The following TRUB1 variants were observed in gnomAD, a reference collection of about 807,000 sequenced individuals.
TRUB1 encodes the protein TruB pseudouridine synthase family member 1, also known as pseudouridylate synthase TRUB1.
A neutral mutation model predicts 33.9 loss-of-function variants in TRUB1; 23 were observed. The ratio of observed to expected loss-of-function variants is 0.68; its 90% CI spans 0.49 to 0.96. TRUB1 has a LOEUF of 0.96. TRUB1 is among the 40% of genes least tolerant of loss of function. TRUB1 has a pLI of 0.00. For synonymous variants in TRUB1, 163 were observed against 165.4 expected (o/e 0.99, Z 0.11); for missense variants, 378 against 422.2 (o/e 0.90, Z 0.92).
chr10:114,940,372 C>T (rs1243612695), intron 1 of TRUB1, among the ~76,000 whole-genome samples: 3 of 152,196 alleles, frequency 2.0e-5, no homozygotes, highest in Admixed American at 1.3e-4. Context: ...CTGCCCGCCT[C>T]AGCCTCCCAA....
intron 3 of TRUB1, among the ~76,000 whole-genome samples, chr10:114,958,515 G>A (rs1385904460): frequency 1.3e-5 from 2 of 152,114 alleles, no homozygotes; most frequent in African/African-American, 4.8e-5. Flanking sequence ...CCCTTCACTA[G>A]CCTCATAAAT....
intron 3 of TRUB1, among the ~76,000 whole-genome samples, chr10:114,955,421 G>A (rs2084257749): frequency 6.6e-6 from 1 of 152,220 alleles, no homozygotes; most frequent in South Asian, 2.1e-4. Flanking sequence ...TTAGAAACCA[G>A]ATGGAAAGGT....
In TRUB1 at chr10:114,938,343, A is replaced by C. The variant is rs766416469; in HGVS notation, c.90A>C (p.Ala30=). Residue 30 remains alanine (A), a synonymous_variant, in exon 1 of 8, where the codon GCA becomes GCC. Coordinates refer to ENST00000298746, the MANE Select transcript of TRUB1 (RefSeq NM_139169.5). ...TTGAAACTGCAGGAACGGTCGCAGC[A>C]ATGGCTGCGACCCCGTCAGCAAGGG... The part of the protein sequence containing the change: ...PVLETAGTVA[A]MAATPSARAA... 8 of 1,607,448 alleles carry C rather than the reference A, an allele frequency of 5.0e-6. No individual in the cohort carries two copies. Among genetic ancestry groups the C allele is most frequent in the Non-Finnish European group, 6.8e-6 (8 of 1,177,444 alleles).
intron 1 of TRUB1, among the ~76,000 whole-genome samples, chr10:114,941,792 TA>T (rs199534418): frequency 2.1e-4 from 32 of 151,460 alleles, no homozygotes; most frequent in Non-Finnish European, 2.5e-4. Context: ...TTTATTTATT[TA>T]TTTTTTTTTG....
chr10:114,949,549 G>A (rs2084225153), intron 2 of TRUB1, among the ~76,000 whole-genome samples: 1 of 152,182 alleles, frequency 6.6e-6, no homozygotes, highest in Non-Finnish European at 1.5e-5. Flanking sequence ...ACTTTAATAA[G>A]GAGTTGGTGC....
Position 114,972,169 on chromosome 10 carries a change from T to C in TRUB1, c.631T>C (p.Ser211Pro). 3 of 1,613,660 alleles carry C rather than the reference T, an allele frequency of 1.9e-6. No homozygotes were observed. The highest frequency in any genetic ancestry group is 1.7e-6 in the Non-Finnish European group (2 of 1,179,796). Residue 211 changes from serine to proline, a missense_variant, in exon 6 of 8, where the codon TCG becomes CCG. Physicochemically the swap from Ser to Pro is moderately conservative, Grantham distance 74. Transcript: ENST00000298746. The stretch of plus-strand genomic sequence containing the variant: ...ATTAAAGAAAGATGGACAAAGACTT[T>C]CGACTTTGATGAAGAGAGGTGAAGT... ...SALKKDGQRLSTLMKRGEVVE... is the reference protein window; with the variant it reads ...SALKKDGQRLPTLMKRGEVVE...
In TRUB1 at chr10:114,975,486, T is replaced by C; in HGVS notation, c.*107T>C. On this transcript the variant is annotated 3_prime_UTR_variant, in exon 8 of 8. Coordinates refer to ENST00000298746, the MANE Select transcript of TRUB1 (RefSeq NM_139169.5). Reference sequence around the variant, plus strand: ...GACAAACAATATGTCTTTTTTTTTTTTGCATGAAGAAAAATGTCTATCATT... The same window carrying C: ...GACAAACAATATGTCTTTTTTTTTTCTGCATGAAGAAAAATGTCTATCATT... 9.0e-7 allele frequency: 1 copy of C among 1,114,520 alleles called. No homozygotes were observed. The highest frequency in any genetic ancestry group is 1.2e-6 in the Non-Finnish European group (1 of 809,434). 69.0% of individuals were successfully genotyped at this position (1,114,520 alleles called of 1,614,324 possible).
At chr10:114,942,829 G>A (rs945795089) in intron 2 of TRUB1, 86 bp downstream of exon 2, 2 of 861,988 alleles carry the variant, frequency 2.3e-6, no homozygotes, top group African/African-American at 1.7e-5. Context: ...ATTGACTAAA[G>A]CCTTCTATTT....
chr10:114,972,598 T>A (rs894414118), intron 6 of TRUB1, among the ~76,000 whole-genome samples: 1 of 152,170 alleles, frequency 6.6e-6, no homozygotes, highest in African/African-American at 2.4e-5. Flanking sequence ...TTTTTAAATT[T>A]TAGGTTTTTA....
chr10:114,939,249 G>A (rs1399251346), intron 1 of TRUB1, among the ~76,000 whole-genome samples: 2 of 152,126 alleles, frequency 1.3e-5, no homozygotes, highest in South Asian at 2.1e-4. Flanking sequence ...GAATCACCCC[G>A]TTAATCAGCT....
chr10:114,939,118 G>A (rs1192312291), intron 1 of TRUB1, among the ~76,000 whole-genome samples: 3 of 152,222 alleles, frequency 2.0e-5, no homozygotes, highest in African/African-American at 7.2e-5. Flanking sequence ...TGATTCCAGT[G>A]TAAGTAGTTT....
At chr10:114,962,837 T>C (rs2143022591) in intron 4 of TRUB1, among the ~76,000 whole-genome samples, 1 of 152,288 alleles carries the variant, frequency 6.6e-6, no homozygotes, top group South Asian at 2.1e-4. Context: ...GAATGACATA[T>C]ATGACATATA....
At chr10:114,943,932 T>C (rs1484720291) in intron 2 of TRUB1, among the ~76,000 whole-genome samples, 1 of 152,110 alleles carries the variant, frequency 6.6e-6, no homozygotes, top group Admixed American at 6.5e-5. Context: ...ACCGTTTTAT[T>C]GCTTGTGAAG....
chr10:114,954,032 A>T (rs1488354785), intron 3 of TRUB1, among the ~76,000 whole-genome samples: 2 of 151,390 alleles, frequency 1.3e-5, no homozygotes, highest in African/African-American at 4.8e-5. Flanking sequence ...CCTATGTATG[A>T]TGTATTCTTG....
rs1236085325 is a variant in TRUB1, at chr10:114,977,173, G to A, written c.*1794G>A. Reference sequence around the variant, plus strand: ...CTTTTATGTTTAAAACTGAAGTTTTGCCAAATGGGAAAATTACTGTTACCT... The same window carrying A: ...CTTTTATGTTTAAAACTGAAGTTTTACCAAATGGGAAAATTACTGTTACCT... On this transcript the variant is annotated 3_prime_UTR_variant, in exon 8 of 8. Coordinates refer to ENST00000298746, the MANE Select transcript of TRUB1 (RefSeq NM_139169.5). The A allele has an allele frequency of 2.0e-5, 3 of 151,974 alleles. No individual in the cohort carries two copies. Among genetic ancestry groups the A allele is most frequent in the Non-Finnish European group, 4.4e-5 (3 of 67,966 alleles). 9.4% of individuals were successfully genotyped at this position (151,974 alleles called of 1,614,324 possible). A position where few individuals can be genotyped will look rare whatever the true frequency, so the allele number is the denominator to read the frequency against.
chr10:114,967,545 A>G (rs78745648), intron 4 of TRUB1, among the ~76,000 whole-genome samples: 2,240 of 152,276 alleles, frequency 0.015, 67 homozygotes, highest in African/African-American at 0.052. Flanking sequence ...GTATATATTC[A>G]TTTTATGAAA....
chr10:114,950,406 A>ACTGTG (rs2084229156), intron 2 of TRUB1, among the ~76,000 whole-genome samples: 4 of 152,210 alleles, frequency 2.6e-5, no homozygotes, highest in Non-Finnish European at 4.4e-5. Context: ...TCTGTTGATG[A>ACTGTG]CAAATATTTC....
rs541313564 is a variant in TRUB1 at position 114,946,072 on chromosome 10, T to C, written c.385+3329T>C. On this transcript the variant is annotated intron_variant, in intron 2 of 7. Coordinates refer to ENST00000298746, the MANE Select transcript of TRUB1 (RefSeq NM_139169.5). ...CCAAGTTAGCAGTTCTGGAAACTTA[T>C]GAGAAGTCGATTTTTGATTGTGTGA... Among the ~76,000 whole-genome samples, 19 of 152,346 alleles carry C rather than the reference T, an allele frequency of 1.2e-4. No individual in the cohort carries two copies. In the South Asian group the frequency reaches 2.3e-3, roughly 18 times the overall value.
intron 3 of TRUB1, among the ~76,000 whole-genome samples, chr10:114,957,579 A>G (rs1019711594): frequency 3.3e-5 from 5 of 152,122 alleles, no homozygotes; most frequent in African/African-American, 1.2e-4. Flanking sequence ...AGGTGGGTAA[A>G]TGGAAGTTGG....
Sources: gnomAD v4.1 joint callset for allele counts (sites outside exome capture counted in the v4.1 genomes callset) on GRCh38, gnomAD v4.1.1 for gene constraint, MANE v1.5 for transcripts, NCBI Gene and HGNC (gene_info 2026-07-23, HGNC 2026-07-21) for gene names.